The following ABCB5 variants were observed in gnomAD, a reference collection of about 807,000 sequenced individuals.
ABCB5 encodes the protein ATP binding cassette subfamily B member 5, also known as ATP-binding cassette sub-family B member 5.
Under a neutral mutation model 144.2 loss-of-function variants are expected in ABCB5, and 155 were observed. That is an observed-to-expected ratio of 1.08 (90% CI 0.94 to 1.23). ABCB5 has a LOEUF of 1.23. Ranked by LOEUF, ABCB5 falls within the 50% of genes most tolerant of loss-of-function variation. ABCB5 has a pLI of 0.00. For missense variants in ABCB5, 1,830 were observed against 1,520.8 expected, an observed-to-expected ratio of 1.20 and a Z score of -3.38; for synonymous variants, 610 against 528.6, an observed-to-expected ratio of 1.15 and a Z score of -2.11.
At chr7:20,659,734 G>A in intron 14 of ABCB5, 1 of 985,798 alleles carries the variant, frequency 1.0e-6, no homozygotes, top group Non-Finnish European at 1.2e-6. Flanking sequence ...CTATATTCAA[G>A]CCTCGCTCTG....
chr7:20,727,337 A>G (rs1331441124), intron 22 of ABCB5, among the ~76,000 whole-genome samples, 197 bp downstream of exon 22: 1 of 152,220 alleles, frequency 6.6e-6, no homozygotes, highest in Non-Finnish European at 1.5e-5. Flanking sequence ...TAGAATAAAT[A>G]TTTTAGGTCC....
At chr7:20,645,708 T>C (rs763132245) in intron 7 of ABCB5, 48 bp from the exon 8 acceptor site, 3 of 1,601,648 alleles carry the variant, frequency 1.9e-6, no homozygotes, top group Middle Eastern at 3.3e-4. Flanking sequence ...TTCAGAACAT[T>C]ATTACTACAC....
chr7:20,651,651 T>C, intron 13 of ABCB5, 28 bp downstream of exon 13: 1 of 1,606,598 alleles, frequency 6.2e-7, no homozygotes, highest in Non-Finnish European at 8.5e-7. Flanking sequence ...CCTGTGTCCT[T>C]AGCTTATGGT....
intron 16 of ABCB5, among the ~76,000 whole-genome samples, chr7:20,688,184 C>A (rs560372420): frequency 8.6e-5 from 13 of 151,960 alleles, no homozygotes; most frequent in African/African-American, 2.9e-4. Flanking sequence ...CAGAGTGAGA[C>A]CCGGTCTCAA....
intron 24 of ABCB5, among the ~76,000 whole-genome samples, chr7:20,742,672 A>G (rs553274073): frequency 6.6e-6 from 1 of 152,350 alleles, no homozygotes; most frequent in South Asian, 2.1e-4. Context: ...AGTGAAGATA[A>G]CAAGAAACAC....
At chr7:20,697,859 G>C (rs774810804) in intron 16 of ABCB5, among the ~76,000 whole-genome samples, 1 of 152,220 alleles carries the variant, frequency 6.6e-6, no homozygotes, top group Admixed American at 6.5e-5. Context: ...GTCTTGGTGA[G>C]TTTAAATAAT....
chr7:20,665,768 G>GATAGAGATACATACATAC (rs1562549609), intron 14 of ABCB5, among the ~76,000 whole-genome samples: 1 of 125,432 alleles, frequency 8.0e-6, no homozygotes, highest in Non-Finnish European at 1.6e-5. Flanking sequence ...GATAGATAGA[G>GATAGAGATACATACATAC]ATACATACAT....
intron 27 of ABCB5, 30 bp downstream of exon 27, chr7:20,753,536 T>C (rs372770856): frequency 6.3e-6 from 10 of 1,592,158 alleles, no homozygotes; most frequent in Non-Finnish European, 8.6e-6. Context: ...TCTCAGAATA[T>C]AATACCAAAT....
At chr7:20,656,426 A>G (rs1784793805) in intron 13 of ABCB5, among the ~76,000 whole-genome samples, 1 of 152,176 alleles carries the variant, frequency 6.6e-6, no homozygotes, top group African/African-American at 2.4e-5. Context: ...ATGAGGAGAC[A>G]AAAAATAGAA....
In ABCB5 at chr7:20,628,652, T is replaced by C. The variant is rs528749986; in HGVS notation, c.109-36T>C. On this transcript the variant is annotated intron_variant, in intron 3 of 27. Transcript: ENST00000404938. ...GTGTGCTTGGTGTGTTTGTTTGTTT[T>C]ACAGTTGTGGTGCTACCGTGCTTTG... is the stretch of plus-strand genomic sequence containing the variant. 155 of 1,596,446 alleles carry C rather than the reference T, an allele frequency of 9.7e-5. 2 individuals are homozygous for C. In the South Asian group the frequency reaches 1.7e-3, roughly 18 times the overall value.
intron 16 of ABCB5, among the ~76,000 whole-genome samples, chr7:20,688,691 T>A (rs1786091151): frequency 6.6e-6 from 1 of 152,188 alleles, no homozygotes. Context: ...GCAGCACTAT[T>A]CACAATAGCA....
At position 20,647,517 on chromosome 7, in the gene ABCB5, CTTTG is replaced by C. The variant is rs774884749; in HGVS notation, c.982-11_982-8del. 5.4e-5 allele frequency: 83 copies of C among 1,532,522 alleles called. No individual in the cohort carries two copies. The African/African-American group carries it at 8.9e-4, about 17-fold the overall frequency. 94.9% of individuals were successfully genotyped at this position (1,532,522 alleles called of 1,614,324 possible). On this transcript the variant is annotated splice_polypyrimidine_tract_variant and intron_variant, in intron 9 of 27. Coordinates refer to ENST00000404938, the MANE Select transcript of ABCB5 (RefSeq NM_001163941.2). ...TATAACTGCAGAAAGATAAATATCA[CTTTG>C]TTTGTTCCTGTAGGTTTTCTTTAGT...
chr7:20,715,212 T>C (rs1781630383), intron 20 of ABCB5, among the ~76,000 whole-genome samples: 1 of 151,870 alleles, frequency 6.6e-6, no homozygotes, highest in Non-Finnish European at 1.5e-5. Context: ...CCCAGTTAAT[T>C]TTTTTGTATT....
At position 20,755,865 on chromosome 7, in the gene ABCB5, T is replaced by C. The variant is rs1296932267; in HGVS notation, c.*241T>C. On this transcript the variant is annotated 3_prime_UTR_variant, in exon 28 of 28. Transcript: ENST00000404938. Reference sequence around the variant, plus strand: ...TATCCTTCACTTTATAAAACTATTCTAGCACATTTGCTTGTAAAGCAGTTT... The same window carrying C: ...TATCCTTCACTTTATAAAACTATTCCAGCACATTTGCTTGTAAAGCAGTTT... 6.9e-6 allele frequency: 3 copies of C among 437,698 alleles called. No homozygotes were observed. The highest frequency in any genetic ancestry group is 2.0e-5 in the African/African-American group (1 of 50,254). 27.1% of individuals were successfully genotyped at this position (437,698 alleles called of 1,614,324 possible).
chr7:20,749,223 T>A (rs1390094808), intron 26 of ABCB5, among the ~76,000 whole-genome samples: 1 of 89,026 alleles, frequency 1.1e-5, no homozygotes, highest in Non-Finnish European at 2.0e-5. Flanking sequence ...CCTCCCCCTC[T>A]CTCTCTTTCT....
rs59970398 is a variant in ABCB5 at position 20,618,764 on chromosome 7, C to CTTTTTTTTTTTTT, written c.-22+2943_-22+2955dup. On this transcript the variant is annotated intron_variant, in intron 1 of 27. Transcript: ENST00000404938. ...TCATGGCATATATGTGCTGCATTTT[C>CTTTTTTTTTTTTT]TTTTTTTTTTTTTTTTTTTTTTTTT... Among the ~76,000 whole-genome samples, 4 of 51,574 alleles carry CTTTTTTTTTTTTT rather than the reference C, an allele frequency of 7.8e-5. 1 individual carries two copies. Among genetic ancestry groups the CTTTTTTTTTTTTT allele is most frequent in the Non-Finnish European group, 1.0e-4 (3 of 28,780 alleles). 33.8% of individuals were successfully genotyped at this position (51,574 alleles called of 152,430 possible). A position where few individuals can be genotyped will look rare whatever the true frequency, so the allele number is the denominator to read the frequency against.
At position 20,646,014 on chromosome 7, in the gene ABCB5, C is replaced by T. The variant is rs747068459; in HGVS notation, c.857C>T (p.Ala286Val). The stretch of plus-strand genomic sequence containing the variant: ...GATTTTGGCATAAAAAGGACTATAG[C>T]TTCAAAAGTGTCTCTTGGTGCTGTG... ...AKDFGIKRTIASKVSLGAVYF... is the reference protein window; with the variant it reads ...AKDFGIKRTIVSKVSLGAVYF... Residue 286 changes from alanine to valine, a missense_variant, in exon 9 of 28, where the codon GCT becomes GTT. Coordinates refer to ENST00000404938, the MANE Select transcript of ABCB5 (RefSeq NM_001163941.2). The T allele has an allele frequency of 2.5e-6, 4 of 1,613,862 alleles. No individual in the cohort carries two copies. In the South Asian group the frequency reaches 3.3e-5, roughly 13 times the overall value.
chr7:20,748,447 C>G (rs1425320976), intron 26 of ABCB5, among the ~76,000 whole-genome samples: 1 of 151,894 alleles, frequency 6.6e-6, no homozygotes, highest in East Asian at 1.9e-4. Context: ...GTCAGGAGTT[C>G]AAGACCAGCC....
intron 1 of ABCB5, among the ~76,000 whole-genome samples, chr7:20,620,571 A>T (rs1783787570): frequency 6.6e-6 from 1 of 152,164 alleles, no homozygotes; most frequent in Non-Finnish European, 1.5e-5. Context: ...ACCTAATTTT[A>T]AAATGGGCAA....
Sources: gnomAD v4.1 joint callset for allele counts (sites outside exome capture counted in the v4.1 genomes callset) on GRCh38, gnomAD v4.1.1 for gene constraint, MANE v1.5 for transcripts, NCBI Gene and HGNC (gene_info 2026-07-23, HGNC 2026-07-21) for gene names.